The following IRF8 variants were observed in gnomAD, a reference collection of about 807,000 sequenced individuals.
IRF8 encodes the protein interferon consensus sequence binding protein 1.
A neutral mutation model predicts 48.7 loss-of-function variants in IRF8; 14 were observed. The observed-to-expected ratio is 0.29, with a 90% CI of 0.19 to 0.45. The LOEUF is 0.45. Ranked by LOEUF, IRF8 falls within the 20% of genes least tolerant of loss-of-function variation. IRF8 has a pLI of 1.00. For synonymous variants in IRF8, 278 were observed against 227.3 expected, an observed-to-expected ratio of 1.22 and a Z score of -2.01; for missense variants, 493 against 580.7, an observed-to-expected ratio of 0.85 and a Z score of 1.55.
intron 5 of IRF8, among the ~76,000 whole-genome samples, chr16:85,913,586 GC>G (rs887197712): frequency 2.0e-5 from 3 of 152,188 alleles, no homozygotes; most frequent in Non-Finnish European, 2.9e-5. Flanking sequence ...CCACGCTGGC[GC>G]CCCCTCCCTG....
intron 7 of IRF8, among the ~76,000 whole-genome samples, chr16:85,919,641 G>T (rs996211538): frequency 9.9e-5 from 15 of 152,210 alleles, no homozygotes; most frequent in African/African-American, 3.6e-4. Flanking sequence ...GATTCCATGG[G>T]TCTGAGGCGG....
intron 2 of IRF8, among the ~76,000 whole-genome samples, chr16:85,908,191 A>G (rs1905056703): frequency 6.6e-6 from 1 of 152,236 alleles, no homozygotes; most frequent in Admixed American, 6.5e-5. Context: ...GAAACCGAAG[A>G]TAATTCTCAT....
At chr16:85,908,427 T>G (rs1376735499) in intron 2 of IRF8, among the ~76,000 whole-genome samples, 1 of 152,204 alleles carries the variant, frequency 6.6e-6, no homozygotes, top group Non-Finnish European at 1.5e-5. Flanking sequence ...GGGAAAGTAC[T>G]TCATTACATT....
At chr16:85,902,183 A>G (rs1304986662) in intron 1 of IRF8, among the ~76,000 whole-genome samples, 1 of 152,132 alleles carries the variant, frequency 6.6e-6, no homozygotes, top group Non-Finnish European at 1.5e-5. Flanking sequence ...CGGTAGCTGC[A>G]GTTTATTTCC....
At chr16:85,914,664 G>T in intron 6 of IRF8, 144 bp downstream of exon 6, 1 of 929,622 alleles carries the variant, frequency 1.1e-6, no homozygotes, top group Non-Finnish European at 1.7e-6. Context: ...GCAGGACCTG[G>T]TGTGGAAGTC....
intron 4 of IRF8, 34 bp downstream of exon 4, chr16:85,911,692 T>C: frequency 6.3e-7 from 1 of 1,577,654 alleles, no homozygotes; most frequent in South Asian, 1.1e-5. Flanking sequence ...GGTCTGGCCC[T>C]GCCAGGAGGA....
intron 2 of IRF8, 22 bp downstream of exon 2, chr16:85,903,211 C>T: frequency 6.2e-7 from 1 of 1,604,686 alleles, no homozygotes; most frequent in East Asian, 2.2e-5. Context: ...AGCTCCCTTC[C>T]CCACTGTGGG....
Position 85,903,189 on chromosome 16 carries a change from G to A in IRF8, c.174G>A (p.Lys58=), listed in dbSNP as rs1904882373. 1 of 1,613,476 alleles carries A rather than the reference G, an allele frequency of 6.2e-7. No homozygotes were observed. Among genetic ancestry groups the A allele is most frequent in the Non-Finnish European group, 8.5e-7 (1 of 1,179,696 alleles). Residue 58 remains lysine (K), a splice_region_variant and synonymous_variant, in exon 2 of 9, where the codon AAG becomes AAA. Coordinates refer to ENST00000268638, the MANE Select transcript of IRF8 (RefSeq NM_002163.4). ...YNQEVDASIF[K]AWAVFKGKFK... The stretch of plus-strand genomic sequence containing the variant: ...AGGAAGTGGATGCCTCCATTTTTAA[G>A]GTAAAGAGCCCAGCTCCCTTCCCCA...
intron 3 of IRF8, among the ~76,000 whole-genome samples, chr16:85,910,590 A>G (rs1396559283): frequency 6.6e-6 from 1 of 152,090 alleles, no homozygotes. Context: ...CCGGCAGGTG[A>G]CCCCAACTTG....
At chr16:85,919,017 T>A (rs921049635) in intron 7 of IRF8, among the ~76,000 whole-genome samples, 12 of 152,112 alleles carry the variant, frequency 7.9e-5, no homozygotes, top group African/African-American at 2.9e-4. Flanking sequence ...AACTTCCCCA[T>A]GTGTACAGTG....
chr16:85,900,855 A>G (rs899229468), intron 1 of IRF8: 1 of 152,268 alleles, frequency 6.6e-6, no homozygotes, highest in Non-Finnish European at 1.5e-5. Context: ...TCCATTAGGA[A>G]TCCTGATAAG....
intron 2 of IRF8, among the ~76,000 whole-genome samples, chr16:85,908,779 C>G (rs1379930725): frequency 6.6e-6 from 1 of 152,168 alleles, no homozygotes; most frequent in East Asian, 1.9e-4. Flanking sequence ...GGGACCCCCT[C>G]CCTGGCTTGG....
chr16:85,917,202 C>T (rs563319496), intron 6 of IRF8, among the ~76,000 whole-genome samples: 29 of 152,296 alleles, frequency 1.9e-4, no homozygotes, highest in African/African-American at 6.5e-4. Context: ...AGTTAGGCAC[C>T]TCACAACTTG....
intron 5 of IRF8, 130 bp downstream of exon 5, chr16:85,913,366 T>A: frequency 1.4e-6 from 1 of 725,758 alleles, no homozygotes; most frequent in Non-Finnish European, 2.4e-6. Flanking sequence ...AGCTCAGCCC[T>A]GAGAGGTGAA....
chr16:85,901,169 C>G (rs1033173692), intron 1 of IRF8: 2 of 152,212 alleles, frequency 1.3e-5, no homozygotes, highest in African/African-American at 4.8e-5. Flanking sequence ...TCTCCCAAGT[C>G]TGTCCCTTCT....
At position 85,918,725 on chromosome 16, in the gene IRF8, G is replaced by A. The variant is rs371253181; in HGVS notation, c.910G>A (p.Val304Met). The change falls in exon 7 of 9, where the codon GTG (valine) becomes ATG (methionine). Residue 304 changes from valine to methionine, a missense_variant. Around this residue, in one of 3 missense-constraint regions of IRF8, gnomAD observed 408 missense variants for 449.6 expected, o/e 0.91. Coordinates refer to ENST00000268638, the MANE Select transcript of IRF8 (RefSeq NM_002163.4). ...CCGCGTGTTCTGCAGCGGCAACGCC[G>A]TGGTGTGCAAAGGCAGGCCCAACAA... ...QGRVFCSGNA[V>M]VCKGRPNKLE... The A allele has an allele frequency of 3.3e-5, 53 of 1,612,690 alleles. No individual in the cohort carries two copies. The South Asian group carries it at 4.4e-4, about 13-fold the overall frequency.
At chr16:85,916,614 G>T (rs577030923) in intron 6 of IRF8, among the ~76,000 whole-genome samples, 1 of 152,294 alleles carries the variant, frequency 6.6e-6, no homozygotes, top group South Asian at 2.1e-4. Flanking sequence ...AGCTGTTCCG[G>T]GTGAAGCTGC....
intron 7 of IRF8, 122 bp from the exon 8 acceptor site, chr16:85,919,987 C>G: frequency 1.3e-6 from 1 of 765,118 alleles, no homozygotes; most frequent in South Asian, 1.5e-5. Context: ...GTTTGAGATC[C>G]CATGGTGCCC....
intron 5 of IRF8, among the ~76,000 whole-genome samples, chr16:85,913,586 G>A (rs998442419): frequency 3.9e-5 from 6 of 152,188 alleles, no homozygotes; most frequent in African/African-American, 9.7e-5. Context: ...CCACGCTGGC[G>A]CCCCCTCCCT....
Sources: allele counts gnomAD v4.1 joint callset (sites outside exome capture counted in the v4.1 genomes callset), GRCh38; gene constraint gnomAD v4.1.1; regional missense constraint gnomAD v4.1.1; transcripts MANE v1.5; gene names NCBI Gene and HGNC (gene_info 2026-07-23, HGNC 2026-07-21).